CEP170: variants seen among roughly 807,000 people sequenced by gnomAD.
CEP170 encodes centrosomal protein of 170 kDa.
A neutral mutation model predicts 151.9 loss-of-function variants in CEP170; 21 were observed. That is an observed-to-expected ratio of 0.14 (90% CI 0.10 to 0.20). The LOEUF is 0.20. Among genes scored for constraint, CEP170 ranks in the 10% least tolerant of loss-of-function variants. The probability of loss-of-function intolerance (pLI) is 1.00; values close to 1 mark genes in which losing one functional copy is unlikely to be tolerated. For synonymous variants in CEP170, 356 were observed against 648.8 expected (o/e 0.55, Z 6.86); for missense variants, 964 against 1,892.9 (o/e 0.51, Z 9.11).
chr1:243,227,046 G>A (rs543189720), intron 1 of CEP170, among the ~76,000 whole-genome samples: 18 of 152,204 alleles, frequency 1.2e-4, no homozygotes, highest in African/African-American at 1.2e-4. Flanking sequence ...GTAACACCAC[G>A]TATTGGTCCT....
intron 13 of CEP170, among the ~76,000 whole-genome samples, chr1:243,161,303 C>CAAA (rs200842010): frequency 3.7e-5 from 4 of 108,514 alleles, no homozygotes; most frequent in African/African-American, 9.9e-5. Flanking sequence ...GAGTCCGTCT[C>CAAA]AAAAAAAAAA....
chr1:243,164,872 T>C lies in CEP170; in HGVS notation c.3088A>G (p.Ser1030Gly). 6.2e-7 allele frequency: 1 copy of C among 1,613,790 alleles called. No individual in the cohort carries two copies. The highest frequency in any genetic ancestry group is 8.5e-7 in the Non-Finnish European group (1 of 1,179,728). The change falls in exon 13 of 20, where the codon AGT (serine) becomes GGT (glycine). Residue 1030 changes from serine to glycine, a missense_variant. Physicochemically the swap from Ser to Gly is moderately conservative, Grantham distance 56. Transcript: ENST00000366542. ...TCAGAGATGGCAGAATGAGGTACACTAGAGGTTTGGTCATCATCTGTTAAG... is the reference window on the plus strand; with the variant it reads ...TCAGAGATGGCAGAATGAGGTACACCAGAGGTTTGGTCATCATCTGTTAAG... ...VDLTDDDQTSSVPHSAISDIM... is the reference protein window; with the variant it reads ...VDLTDDDQTSGVPHSAISDIM...
At chr1:243,161,652 ACAT>A (rs991872772) in intron 13 of CEP170, among the ~76,000 whole-genome samples, 10 of 152,024 alleles carry the variant, frequency 6.6e-5, no homozygotes, top group Non-Finnish European at 1.3e-4. Flanking sequence ...TATTTTAGAG[ACAT>A]CATCTAAAAT....
chr1:243,201,827 G>A (rs1002350699), intron 4 of CEP170, among the ~76,000 whole-genome samples: 5 of 152,040 alleles, frequency 3.3e-5, no homozygotes, highest in South Asian at 2.1e-4. Flanking sequence ...GGTAATGGAC[G>A]GACAGAAACC....
At chr1:243,134,823 C>T (rs1000438751) in intron 17 of CEP170, among the ~76,000 whole-genome samples, 2 of 152,040 alleles carry the variant, frequency 1.3e-5, no homozygotes, top group Non-Finnish European at 2.9e-5. Context: ...AGGCAGCATG[C>T]CTCATATGCC....
chr1:243,190,647 T>C (rs1433811240), intron 8 of CEP170, among the ~76,000 whole-genome samples: 2 of 152,146 alleles, frequency 1.3e-5, no homozygotes, highest in Non-Finnish European at 2.9e-5. Flanking sequence ...TAGATATTGA[T>C]CTCAATAGAG....
chr1:243,212,956 T>C (rs1394202652), intron 3 of CEP170, among the ~76,000 whole-genome samples: 2 of 152,112 alleles, frequency 1.3e-5, no homozygotes, highest in East Asian at 1.9e-4. Context: ...TGAGCCACCA[T>C]GCCTGGCCAA....
intron 10 of CEP170, among the ~76,000 whole-genome samples, chr1:243,182,051 T>C (rs1434265804): frequency 6.6e-6 from 1 of 152,130 alleles, no homozygotes; most frequent in Non-Finnish European, 1.5e-5. Flanking sequence ...TGGGAGGTGT[T>C]TGGGTCAAAA....
intron 1 of CEP170, chr1:243,253,078 T>C (rs1218168075): frequency 6.6e-6 from 1 of 152,190 alleles, no homozygotes; most frequent in Non-Finnish European, 1.5e-5. Flanking sequence ...CTATTGATTT[T>C]CAAGAAATAA....
chr1:243,216,884 A>G (rs1220345177), intron 3 of CEP170, among the ~76,000 whole-genome samples: 1 of 152,200 alleles, frequency 6.6e-6, no homozygotes, highest in Non-Finnish European at 1.5e-5. Context: ...GTGTTTTAAA[A>G]CTTATGTCTT....
intron 1 of CEP170, among the ~76,000 whole-genome samples, chr1:243,246,947 C>A (rs2065463193): frequency 6.6e-6 from 1 of 152,076 alleles, no homozygotes. Flanking sequence ...AAAAAGCTTA[C>A]CACAAAAAGT....
chr1:243,177,702 T>C (rs1390955692), intron 10 of CEP170, among the ~76,000 whole-genome samples: 1 of 152,218 alleles, frequency 6.6e-6, no homozygotes, highest in Non-Finnish European at 1.5e-5. Context: ...ATTTTTGTAA[T>C]TGTCTATGAA....
intron 17 of CEP170, among the ~76,000 whole-genome samples, chr1:243,131,226 T>A (rs1298096968): frequency 6.6e-6 from 1 of 152,142 alleles, no homozygotes; most frequent in Non-Finnish European, 1.5e-5. Flanking sequence ...GCACAATAGC[T>A]CATGCCTGTA....
At chr1:243,254,586 A>T (rs1026380044) in intron 1 of CEP170, 5 of 152,412 alleles carry the variant, frequency 3.3e-5, no homozygotes, top group African/African-American at 1.2e-4. Context: ...AGCTGCTCCA[A>T]TGGGGGAAAA....
At chr1:243,231,368 A>G (rs2149063385) in intron 1 of CEP170, among the ~76,000 whole-genome samples, 1 of 152,278 alleles carries the variant, frequency 6.6e-6, no homozygotes, top group South Asian at 2.1e-4. Context: ...AAACTGTGAA[A>G]AAAATTTTTA....
chr1:243,216,359 C>T (rs1178945278), intron 3 of CEP170, among the ~76,000 whole-genome samples: 1 of 151,426 alleles, frequency 6.6e-6, no homozygotes, highest in Admixed American at 6.6e-5. Flanking sequence ...CCCCCTCCCC[C>T]CGACCCCACA....
At position 243,186,254 on chromosome 1, in the gene CEP170, C is replaced by T. The variant is rs1316815505; in HGVS notation, c.1272+5G>A. 3 of 1,613,626 alleles carry T rather than the reference C, an allele frequency of 1.9e-6. No individual in the cohort carries two copies. Among genetic ancestry groups the T allele is most frequent in the African/African-American group, 1.3e-5 (1 of 74,922 alleles). ...GAATGCAATCATAAAAGCAGTTTGA[C>T]TTACAACAGCTTGGTCTTGATGCTT... On this transcript the variant is annotated splice_donor_5th_base_variant and intron_variant, in intron 9 of 19. Transcript: ENST00000366542.
chr1:243,211,120 A>C (rs1467779486), intron 4 of CEP170: 1 of 151,958 alleles, frequency 6.6e-6, no homozygotes, highest in Admixed American at 6.5e-5. Context: ...AAAAAAAAAA[A>C]AACAACCTTC....
chr1:243,213,274 T>C (rs981674393), intron 3 of CEP170, among the ~76,000 whole-genome samples: 1 of 152,176 alleles, frequency 6.6e-6, no homozygotes, highest in Non-Finnish European at 1.5e-5. Context: ...TCTTTAGTTA[T>C]CTTACTGCAG....
Sources: gnomAD v4.1 joint callset for allele counts (sites outside exome capture counted in the v4.1 genomes callset) on GRCh38, gnomAD v4.1.1 for gene constraint, MANE v1.5 for transcripts, NCBI Gene and HGNC (gene_info 2026-07-23, HGNC 2026-07-21) for gene names.